Variants in MYO7B observed in about 807,000 individuals in gnomAD.
MYO7B encodes unconventional myosin-VIIb.
A neutral mutation model predicts 259.7 loss-of-function variants in MYO7B; 212 were observed. That is an observed-to-expected ratio of 0.82 (90% CI 0.73 to 0.91). The LOEUF (loss-of-function observed/expected upper bound fraction) is 0.91, where lower values mean the gene tolerates loss of function less well. Ranked by LOEUF, MYO7B falls within the 40% of genes least tolerant of loss-of-function variation. The pLI is 0.00. For synonymous variants in MYO7B, 1,197 were observed against 1,166.4 expected (o/e 1.03, Z -0.54); for missense variants, 2,732 against 2,813.5 (o/e 0.97, Z 0.66).
At chr2:127,629,487 C>G (rs1442344623) in intron 34 of MYO7B, among the ~76,000 whole-genome samples, 158 bp from the exon 35 acceptor site, 1 of 152,186 alleles carries the variant, frequency 6.6e-6, no homozygotes, top group African/African-American at 2.4e-5. Flanking sequence ...GTCTGAGGCC[C>G]CTGAGGTTCC....
At chr2:127,625,836 G>A (rs1174009141) in intron 31 of MYO7B, among the ~76,000 whole-genome samples, 4 of 152,252 alleles carry the variant, frequency 2.6e-5, no homozygotes, top group Non-Finnish European at 4.4e-5. Flanking sequence ...GGATGAGAGG[G>A]CACCTGCAGT....
Position 127,600,508 on chromosome 2 carries a change from G to A in MYO7B, c.2339+3952G>A, listed in dbSNP as rs1016769533. 3.9e-5 allele frequency among the ~76,000 whole-genome samples: 6 copies of A among 152,288 alleles called. No individual in the cohort carries two copies. In the East Asian group the frequency reaches 9.6e-4, roughly 24 times the overall value. On this transcript the variant is annotated intron_variant, in intron 19 of 47. Coordinates refer to ENST00000409816, the MANE Select transcript of MYO7B (RefSeq NM_001393586.1). ...GCAGATCACCTGAGGTCAGGAGTCC[G>A]AGACCAGCCTGGCCAACATGGCGAA...
rs112694365 is a variant in MYO7B, at chr2:127,619,679, T to G, written c.3399-661T>G. Among the ~76,000 whole-genome samples the G allele has an allele frequency of 6.5e-3, 982 of 152,230 alleles. 13 individuals are homozygous for G. Among genetic ancestry groups the G allele is most frequent in the African/African-American group, 0.021 (890 of 41,506 alleles). On this transcript the variant is annotated intron_variant, in intron 26 of 47. Coordinates refer to ENST00000409816, the MANE Select transcript of MYO7B (RefSeq NM_001393586.1). Reference sequence around the variant, plus strand: ...GGCTTTTCTTCTTGGGGGAGCTGGTTGATAAACATTTACCAGCACACCACT... The same window carrying G: ...GGCTTTTCTTCTTGGGGGAGCTGGTGGATAAACATTTACCAGCACACCACT...
At position 127,588,692 on chromosome 2, in the gene MYO7B, G is replaced by A. The variant is rs964347777; in HGVS notation, c.1854+137G>A. On this transcript the variant is annotated intron_variant, in intron 15 of 47. Transcript: ENST00000409816. The stretch of plus-strand genomic sequence containing the variant: ...GCACTTGGGAATCCTGCAATGGATG[G>A]ATGGATGGGTGAATGGATGGGTGGG... 1.2e-5 allele frequency: 12 copies of A among 1,008,514 alleles called. No individual in the cohort carries two copies. In the Admixed American group the frequency reaches 1.5e-4, roughly 12 times the overall value. 62.5% of individuals were successfully genotyped at this position (1,008,514 alleles called of 1,614,324 possible).
At chr2:127,623,100 A>G in intron 28 of MYO7B, 102 bp from the exon 29 acceptor site, 1 of 1,377,552 alleles carries the variant, frequency 7.3e-7, no homozygotes, top group South Asian at 1.4e-5. Flanking sequence ...GATGGCAAGC[A>G]GGGCCCATGG....
At chr2:127,571,453 T>TG (rs1678617142) in intron 6 of MYO7B, among the ~76,000 whole-genome samples, 1 of 101,722 alleles carries the variant, frequency 9.8e-6, no homozygotes, top group South Asian at 3.0e-4. Flanking sequence ...TTTTTTTTTT[T>TG]TTTTTTGCTT....
rs1292356380 is a variant in MYO7B, at chr2:127,634,265, C to A, written c.5601C>A (p.Ser1867Arg). ...RLQLASWEGC[S>R]LFIKISDKVI... ...AGCTGGCCTCCTGGGAGGGCTGCAG[C>A]CTCTTCATCAAGATTTCAGACAAGG... The change falls in exon 41 of 48, where the codon AGC (serine) becomes AGA (arginine). Residue 1867 changes from serine to arginine, a missense_variant. By Grantham distance (110) the Ser-to-Arg change is moderately radical. Coordinates refer to ENST00000409816, the MANE Select transcript of MYO7B (RefSeq NM_001393586.1). The A allele has an allele frequency of 1.3e-6, 2 of 1,585,812 alleles. No individual in the cohort carries two copies. The highest frequency in any genetic ancestry group is 1.7e-6 in the Non-Finnish European group (2 of 1,170,748).
rs572380358 is a variant in MYO7B, at chr2:127,567,306, G to A, written c.470+479G>A. 2.7e-5 allele frequency among the ~76,000 whole-genome samples: 4 copies of A among 150,422 alleles called. No homozygotes were observed. The South Asian group carries it at 8.5e-4, about 32-fold the overall frequency. ...ACTTAAAGCTGCAGGAGTTGAACAG[G>A]TGAGGGCCCACTCAAAAAAAAACAC... On this transcript the variant is annotated intron_variant, in intron 5 of 47. Coordinates refer to ENST00000409816, the MANE Select transcript of MYO7B (RefSeq NM_001393586.1).
At chr2:127,631,847 G>C (rs10183797) in intron 38 of MYO7B, 94 bp downstream of exon 38, 604,744 of 1,478,118 alleles carry the variant, frequency 0.41, 125,958 homozygotes, top group South Asian at 0.53. Flanking sequence ...CACCGCAGCT[G>C]GTGGCGGCAG....
Position 127,633,318 on chromosome 2 carries a change from C to T in MYO7B, c.5466C>T (p.Val1822=). 1 of 1,612,848 alleles carries T rather than the reference C, an allele frequency of 6.2e-7. No homozygotes were observed. The highest frequency in any genetic ancestry group is 1.3e-5 in the African/African-American group (1 of 75,054). Residue 1822 remains valine, a synonymous_variant, in exon 40 of 48, where the codon GTC becomes GTT. Coordinates refer to ENST00000409816, the MANE Select transcript of MYO7B (RefSeq NM_001393586.1). Reference sequence around the variant, plus strand: ...AGGTGGAGGCCGCAGAGCAGAACGTCTCCCGCATCTGCCACAAGATCTACT... The same window carrying T: ...AGGTGGAGGCCGCAGAGCAGAACGTTTCCCGCATCTGCCACAAGATCTACT... ...QVEVEAAEQN[V]SRICHKIYFP...
intron 39 of MYO7B, 41 bp from the exon 40 acceptor site, chr2:127,633,217 A>G (rs1315038807): frequency 2.0e-6 from 3 of 1,488,456 alleles, no homozygotes; most frequent in Non-Finnish European, 2.8e-6. Context: ...GGTGAGGATG[A>G]GGGTGGGGGT....
At chr2:127,635,020 G>A (rs1341121898) in intron 42 of MYO7B, 100 bp from the exon 43 acceptor site, 10 of 930,678 alleles carry the variant, frequency 1.1e-5, no homozygotes, top group South Asian at 4.2e-5. Flanking sequence ...GGGGGCTTTC[G>A]AGGCAGGGAG....
chr2:127,622,181 C>A, intron 28 of MYO7B, 80 bp downstream of exon 28: 2 of 1,467,344 alleles, frequency 1.4e-6, no homozygotes, highest in Non-Finnish European at 1.8e-6. Context: ...TCATGGGGTG[C>A]CTTCTCCTAG....
intron 26 of MYO7B, among the ~76,000 whole-genome samples, chr2:127,618,985 G>A (rs929472392): frequency 1.3e-5 from 2 of 151,838 alleles, no homozygotes; most frequent in East Asian, 1.9e-4. Context: ...TGGTTGGATC[G>A]TGGGGGCTGG....
chr2:127,637,630 C>G lies in MYO7B; in HGVS notation c.*213C>G, dbSNP rs1393056452. On this transcript the variant is annotated 3_prime_UTR_variant, in exon 48 of 48. Coordinates refer to ENST00000409816, the MANE Select transcript of MYO7B (RefSeq NM_001393586.1). ...GGGCCCAGAATGGGGTCGGGAGTCT[C>G]GGACCCCCAGGCTATTGGTGGATGA... The G allele has an allele frequency of 8.8e-6, 4 of 455,258 alleles. No homozygotes were observed. Among genetic ancestry groups the G allele is most frequent in the Non-Finnish European group, 1.5e-5 (4 of 258,560 alleles). 28.2% of individuals were successfully genotyped at this position (455,258 alleles called of 1,614,324 possible).
chr2:127,565,962 G>C (rs1395933384), intron 4 of MYO7B, among the ~76,000 whole-genome samples: 1 of 152,250 alleles, frequency 6.6e-6, no homozygotes, highest in African/African-American at 2.4e-5. Context: ...TGCCTGCCTG[G>C]GCCTCTCTGG....
intron 6 of MYO7B, among the ~76,000 whole-genome samples, chr2:127,573,183 G>A (rs1292456414): frequency 6.6e-6 from 1 of 152,130 alleles, no homozygotes; most frequent in Non-Finnish European, 1.5e-5. Context: ...TTCTGAAACT[G>A]CATTCTAACC....
chr2:127,609,852 G>A lies in MYO7B; in HGVS notation c.3028G>A (p.Ala1010Thr), dbSNP rs763233570. ...GCCTTCTGTCTTGTTTCCCCAGGCC[G>A]CCCTGGTCATATGGAACGTCATCCT... ...YHEDDTDCLA[A>T]LVIWNVILRF... Residue 1010 changes from alanine (A) to threonine (T), a missense_variant, in exon 24 of 48, where the codon GCC (alanine) becomes ACC (threonine). Ala to Thr is a moderately conservative substitution (Grantham distance 58). This residue lies in a region of MYO7B where 1,906 missense variants were observed against 2,026.4 expected (regional missense o/e 0.94). Transcript: ENST00000409816. This position sits in a 1 kb window ranked among gnomAD's most constrained non-coding sequence, Gnocchi z 6.9. The A allele has an allele frequency of 4.0e-5, 64 of 1,613,146 alleles. No individual in the cohort carries two copies. Among genetic ancestry groups the A allele is most frequent in the African/African-American group, 3.1e-4 (23 of 74,822 alleles).
chr2:127,580,926 C>A, intron 10 of MYO7B, 104 bp downstream of exon 10: 1 of 1,173,710 alleles, frequency 8.5e-7, no homozygotes, highest in Non-Finnish European at 1.2e-6. Flanking sequence ...CAGGCCCCCA[C>A]CCCTTTCCCA....
Sources: allele counts gnomAD v4.1 joint callset (sites outside exome capture counted in the v4.1 genomes callset), GRCh38; gene constraint gnomAD v4.1.1; regional missense constraint gnomAD v4.1.1; non-coding constraint Gnocchi (gnomAD v3.1); transcripts MANE v1.5; gene names NCBI Gene and HGNC (gene_info 2026-07-23, HGNC 2026-07-21).